Variants in TCHP observed in about 807,000 individuals in gnomAD.
TCHP encodes the protein trichoplein keratin filament-binding protein.
In TCHP, 81 loss-of-function variants were observed where a neutral mutation model predicts 88.7. The observed-to-expected ratio is 0.91, with a 90% CI of 0.76 to 1.10. The LOEUF (loss-of-function observed/expected upper bound fraction) is 1.10, where lower values mean the gene tolerates loss of function less well. TCHP is among the 50% of genes least tolerant of loss of function. TCHP has a pLI of 0.00. For missense variants in TCHP, 641 were observed against 632.1 expected (o/e 1.01, Z -0.15); for synonymous variants, 232 against 232.5 (o/e 1.00, Z 0.02).
chr12:109,904,984 T>C, intron 4 of TCHP, 191 bp downstream of exon 4: 1 of 585,580 alleles, frequency 1.7e-6, no homozygotes, highest in South Asian at 2.1e-5. Flanking sequence ...TGAACAAATG[T>C]TGATTGAACC....
Position 109,906,447 on chromosome 12 carries a change from T to C in TCHP, c.457-125T>C, listed in dbSNP as rs1030721031. The C allele has an allele frequency of 7.9e-6, 6 of 758,158 alleles. No homozygotes were observed. The Admixed American group carries it at 1.1e-4, about 14-fold the overall frequency. 47.0% of individuals were successfully genotyped at this position (758,158 alleles called of 1,614,324 possible). A position where few individuals can be genotyped will look rare whatever the true frequency, so the allele number is the denominator to read the frequency against. On this transcript the variant is annotated intron_variant, in intron 4 of 12. Transcript: ENST00000405876. The stretch of plus-strand genomic sequence containing the variant: ...GCTCTCTACTAGACGCCTGTGCCAC[T>C]GAGTCCCCATGAAGCGAAGTCATGG...
chr12:109,893,188 T>G, the TCHP span, among the ~76,000 whole-genome samples: 6 of 152,062 alleles, frequency 3.9e-5, no homozygotes, highest in African/African-American at 1.2e-4. Flanking sequence ...AAGACCAGCC[T>G]TGCCAACATG....
chr12:109,888,753 C>A, the TCHP span, among the ~76,000 whole-genome samples: 1 of 152,178 alleles, frequency 6.6e-6, no homozygotes, highest in Admixed American at 6.5e-5. Flanking sequence ...GCTGTGTGGC[C>A]TTGAGCAAGT....
At chr12:109,911,637 G>C (rs1277591654) in intron 9 of TCHP, among the ~76,000 whole-genome samples, 8 of 145,006 alleles carry the variant, frequency 5.5e-5, no homozygotes. Context: ...AAAAAAAGAA[G>C]AAGAAGAGAT....
chr12:109,913,837 C>G (rs1253287139), intron 10 of TCHP, among the ~76,000 whole-genome samples: 2 of 152,222 alleles, frequency 1.3e-5, no homozygotes, highest in Admixed American at 1.3e-4. Flanking sequence ...CAAGAATTCT[C>G]CAGTGCCTTT....
At chr12:109,895,185 G>A in the TCHP span, among the ~76,000 whole-genome samples, 1 of 151,302 alleles carries the variant, frequency 6.6e-6, no homozygotes, top group Admixed American at 6.6e-5. Context: ...GTAATGGTAT[G>A]GTTCAAGGTT....
chr12:109,915,289 G>T, intron 11 of TCHP, 114 bp from the exon 12 acceptor site: 1 of 1,454,720 alleles, frequency 6.9e-7, no homozygotes, highest in Non-Finnish European at 9.6e-7. Flanking sequence ...CATTGCTGTT[G>T]CTCAGCTGGA....
the TCHP span, among the ~76,000 whole-genome samples, chr12:109,884,672 A>G: frequency 6.6e-6 from 1 of 152,222 alleles, no homozygotes; most frequent in African/African-American, 2.4e-5. Context: ...ATTTGTTAAG[A>G]ACAAGATGTC....
At position 109,911,227 on chromosome 12, in the gene TCHP, G is replaced by T; in HGVS notation, c.1044G>T (p.Met348Ile). 6.4e-7 allele frequency: 1 copy of T among 1,551,246 alleles called. No individual in the cohort carries two copies. The highest frequency in any genetic ancestry group is 1.9e-5 in the Admixed American group (1 of 52,022). The change falls in exon 9 of 13, where the codon ATG becomes ATT. Residue 348 changes from methionine (M) to isoleucine (I), a missense_variant. By Grantham distance (10) the Met-to-Ile change is conservative (BLOSUM62 1). Coordinates refer to ENST00000405876, the MANE Select transcript of TCHP (RefSeq NM_001143852.2). ...GGGCGCGGGAGGCAGAGCTGCAGAT[G>T]CTGCTGAGGTGAGTGGCAGCTGCTG... is the stretch of plus-strand genomic sequence containing the variant. ...LERAREAELQ[M>I]LLREEAKEMW...
chr12:109,890,594 C>A, the TCHP span, among the ~76,000 whole-genome samples: 1 of 151,550 alleles, frequency 6.6e-6, no homozygotes, highest in Non-Finnish European at 1.5e-5. Flanking sequence ...ACTGCAACCT[C>A]TGCTTCCCAG....
chr12:109,910,530 C>G (rs138504600), intron 8 of TCHP, among the ~76,000 whole-genome samples: 9 of 152,140 alleles, frequency 5.9e-5, no homozygotes, highest in African/African-American at 2.2e-4. Context: ...ACTCCTAGGC[C>G]CAAGTGATCC....
chr12:109,908,957 C>G lies in TCHP; in HGVS notation c.879+20C>G. Reference sequence around the variant, plus strand: ...GAGCTGGTAAGTCTGAAGAGACAGCCTGACATCTTTCTTAGCCTCTTTTGT... The same window carrying G: ...GAGCTGGTAAGTCTGAAGAGACAGCGTGACATCTTTCTTAGCCTCTTTTGT... On this transcript the variant is annotated intron_variant, in intron 8 of 12. Transcript: ENST00000405876. 3 of 1,613,240 alleles carry G rather than the reference C, an allele frequency of 1.9e-6. No individual in the cohort carries two copies. Among genetic ancestry groups the G allele is most frequent in the Non-Finnish European group, 2.5e-6 (3 of 1,179,304 alleles).
the TCHP span, among the ~76,000 whole-genome samples, chr12:109,887,096 A>G: frequency 6.6e-6 from 1 of 152,080 alleles, no homozygotes; most frequent in Non-Finnish European, 1.5e-5. Flanking sequence ...ATGTTTATCT[A>G]TATTTGTTCC....
the TCHP span, among the ~76,000 whole-genome samples, chr12:109,882,556 C>T: frequency 6.8e-6 from 1 of 147,988 alleles, no homozygotes; most frequent in African/African-American, 2.5e-5. Context: ...TAAGTGAGGG[C>T]AAGAGTGAGT....
chr12:109,891,042 G>A, the TCHP span, among the ~76,000 whole-genome samples: 1 of 152,182 alleles, frequency 6.6e-6, no homozygotes, highest in Non-Finnish European at 1.5e-5. Flanking sequence ...TGAACCCCTA[G>A]GGTATTTGTT....
the TCHP span, among the ~76,000 whole-genome samples, chr12:109,894,468 AAAAAAAG>A: frequency 7.1e-6 from 1 of 140,792 alleles, no homozygotes; most frequent in Non-Finnish European, 1.5e-5. Context: ...GTCTCAAAAA[AAAAAAAG>A]AAAAAAAAGG....
the TCHP span, among the ~76,000 whole-genome samples, chr12:109,893,194 A>G: frequency 6.6e-6 from 1 of 152,114 alleles, no homozygotes; most frequent in Non-Finnish European, 1.5e-5. Flanking sequence ...AGCCTTGCCA[A>G]CATGGTGAAA....
chr12:109,885,478 G>GTTTTTTT, the TCHP span, among the ~76,000 whole-genome samples: 2 of 118,174 alleles, frequency 1.7e-5, no homozygotes, highest in Admixed American at 8.5e-5. Context: ...AAATCTGATG[G>GTTTTTTT]TTTTTTTTTT....
chr12:109,907,675 G>A lies in TCHP; in HGVS notation c.675G>A (p.Glu225=), dbSNP rs144756698. The A allele has an allele frequency of 9.0e-3, 14,451 of 1,609,480 alleles. 76 individuals carry two copies. Among genetic ancestry groups the A allele is most frequent in the Non-Finnish European group, 0.01 (11,978 of 1,178,252 alleles). The change falls in exon 6 of 13, where the codon GAG becomes GAA. Residue 225 remains glutamate, a synonymous_variant. Coordinates refer to ENST00000405876, the MANE Select transcript of TCHP (RefSeq NM_001143852.2). ...LQAEALLQQM[E]ELKLKEVEAT... ...CCGAGGCACTGCTGCAACAGATGGA[G>A]GAGCTGAAGCTGAAGGAGGTGGAGG...
Sources: gnomAD v4.1 joint callset for allele counts (sites outside exome capture counted in the v4.1 genomes callset) on GRCh38, gnomAD v4.1.1 for gene constraint, MANE v1.5 for transcripts, NCBI Gene and HGNC (gene_info 2026-07-23, HGNC 2026-07-21) for gene names.